Variants in CDK5RAP2 observed in about 807,000 individuals in gnomAD.
CDK5RAP2 encodes CDK5 regulatory subunit associated protein 2.
CDK5RAP2 carries 147 observed loss-of-function variants against 232.9 expected under a neutral mutation model. The ratio of observed to expected loss-of-function variants is 0.63; its 90% CI spans 0.55 to 0.72. CDK5RAP2 has a LOEUF of 0.72. CDK5RAP2 is among the 30% of genes least tolerant of loss of function. CDK5RAP2 has a pLI of 0.00. For synonymous variants in CDK5RAP2, 833 were observed against 833.7 expected, an observed-to-expected ratio of 1.00 and a Z score of 0.01; for missense variants, 2,195 against 2,231.5, an observed-to-expected ratio of 0.98 and a Z score of 0.33.
intron 13 of CDK5RAP2, among the ~76,000 whole-genome samples, chr9:120,490,174 G>C (rs770848233): frequency 4.6e-5 from 7 of 152,220 alleles, no homozygotes; most frequent in African/African-American, 7.2e-5. Context: ...TTAGGGGTTA[G>C]AAGTGCTCAG....
In CDK5RAP2 at chr9:120,408,344, T is replaced by C. The variant is rs753492465; in HGVS notation, c.4726+3A>G. On this transcript the variant is annotated splice_donor_region_variant and intron_variant, in intron 31 of 37. Coordinates refer to ENST00000349780, the MANE Select transcript of CDK5RAP2 (RefSeq NM_018249.6). ...AGCCTCAAGGTGAGAAGGGCCTCAG[T>C]ACCTCTCAGTCTCCTGTGCTCTTCA... The C allele has an allele frequency of 1.2e-6, 2 of 1,613,874 alleles. No homozygotes were observed. Among genetic ancestry groups the C allele is most frequent in the Non-Finnish European group, 1.7e-6 (2 of 1,180,012 alleles).
At chr9:120,484,719 G>C (rs751657334) in intron 14 of CDK5RAP2, among the ~76,000 whole-genome samples, 3 of 151,790 alleles carry the variant, frequency 2.0e-5, no homozygotes, top group African/African-American at 7.3e-5. Context: ...GCAAGACTCT[G>C]TCTCAAAAAA....
At chr9:120,441,428 A>C (rs1379298675) in intron 23 of CDK5RAP2, among the ~76,000 whole-genome samples, 1 of 152,214 alleles carries the variant, frequency 6.6e-6, no homozygotes, top group East Asian at 1.9e-4. Context: ...TGCAAAAAGA[A>C]AAAAAAGGCT....
At chr9:120,446,640 C>G (rs1165282132) in intron 22 of CDK5RAP2, among the ~76,000 whole-genome samples, 1 of 152,180 alleles carries the variant, frequency 6.6e-6, no homozygotes, top group South Asian at 2.1e-4. Flanking sequence ...GAGAGCCTGC[C>G]TGATCTGCTG....
rs188893101 is a variant in CDK5RAP2 at position 120,437,606 on chromosome 9, G to T, written c.3723-79C>A. On this transcript the variant is annotated intron_variant, in intron 24 of 37. Transcript: ENST00000349780. ...TGACCTTAACACTAATTGGAAAAAT[G>T]ACAGAGTACAATTTTTAAAAGCCTG... is the stretch of plus-strand genomic sequence containing the variant. 117 of 1,033,662 alleles carry T rather than the reference G, an allele frequency of 1.1e-4. No homozygotes were observed. The African/African-American group carries it at 1.7e-3, about 15-fold the overall frequency. The allele number at this position is 1,033,662 out of a possible 1,614,324, so 64.0% of individuals were successfully genotyped here.
intron 1 of CDK5RAP2, among the ~76,000 whole-genome samples, chr9:120,578,042 A>G (rs1161200024): frequency 6.6e-6 from 1 of 152,142 alleles, no homozygotes. Flanking sequence ...GGCCAAGGAG[A>G]GCAGATCATG....
At position 120,388,921 on chromosome 9, in the gene CDK5RAP2, G is replaced by A; in HGVS notation, c.*315C>T. The A allele has an allele frequency of 2.2e-6, 1 of 455,624 alleles. No individual in the cohort carries two copies. The highest frequency in any genetic ancestry group is 3.9e-6 in the Non-Finnish European group (1 of 256,436). The allele number at this position is 455,624 out of a possible 1,614,324, so 28.2% of individuals were successfully genotyped here. ...ATGAGAATCTTCAAACTGTGGCACTGGCTGAGTACTAAGCAAATCCAGGGG... is the reference window on the plus strand; with the variant it reads ...ATGAGAATCTTCAAACTGTGGCACTAGCTGAGTACTAAGCAAATCCAGGGG... On this transcript the variant is annotated 3_prime_UTR_variant, in exon 38 of 38. Coordinates refer to ENST00000349780, the MANE Select transcript of CDK5RAP2 (RefSeq NM_018249.6).
intron 18 of CDK5RAP2, among the ~76,000 whole-genome samples, chr9:120,464,351 C>T (rs1028796948): frequency 6.6e-6 from 1 of 152,184 alleles, no homozygotes; most frequent in African/African-American, 2.4e-5. Flanking sequence ...CCACACTCTG[C>T]CCCAATTGCC....
At chr9:120,556,677 C>G (rs1437660351) in intron 3 of CDK5RAP2, among the ~76,000 whole-genome samples, 1 of 152,172 alleles carries the variant, frequency 6.6e-6, no homozygotes, top group African/African-American at 2.4e-5. Flanking sequence ...GATCCACTCG[C>G]CTCAGCCTCC....
chr9:120,567,184 C>T (rs1177111642), intron 3 of CDK5RAP2, among the ~76,000 whole-genome samples: 1 of 152,188 alleles, frequency 6.6e-6, no homozygotes, highest in African/African-American at 2.4e-5. Flanking sequence ...TTTGAGGCCC[C>T]AGACCCCACA....
At chr9:120,503,011 G>A (rs2039644709) in intron 12 of CDK5RAP2, among the ~76,000 whole-genome samples, 1 of 152,186 alleles carries the variant, frequency 6.6e-6, no homozygotes, top group African/African-American at 2.4e-5. Context: ...GGCCCACAGA[G>A]GTTGAGATAT....
chr9:120,417,143 G>A (rs1002763071), intron 27 of CDK5RAP2, among the ~76,000 whole-genome samples: 5 of 151,274 alleles, frequency 3.3e-5, no homozygotes, highest in African/African-American at 1.2e-4. Context: ...TAAACTGCTG[G>A]CGCCCACGGC....
At chr9:120,451,682 C>A (rs1420776797) in intron 21 of CDK5RAP2, among the ~76,000 whole-genome samples, 4 of 152,018 alleles carry the variant, frequency 2.6e-5, no homozygotes, top group Non-Finnish European at 5.9e-5. Context: ...TTTATAATAT[C>A]CCTGTCTGCA....
chr9:120,530,881 T>C (rs1415775737), intron 7 of CDK5RAP2, among the ~76,000 whole-genome samples: 1 of 64,914 alleles, frequency 1.5e-5, no homozygotes, highest in African/African-American at 5.3e-5. Flanking sequence ...GGGGGAGGGA[T>C]AGCATTAGGA....
chr9:120,401,026 A>G (rs1016999152), intron 34 of CDK5RAP2, 141 bp from the exon 35 acceptor site: 1 of 781,236 alleles, frequency 1.3e-6, no homozygotes, highest in Non-Finnish European at 2.1e-6. Flanking sequence ...ACATAACACC[A>G]ATTTATTGTT....
chr9:120,443,518 T>G, intron 23 of CDK5RAP2, 102 bp downstream of exon 23: 5 of 1,301,364 alleles, frequency 3.8e-6, no homozygotes, highest in Non-Finnish European at 5.6e-6. Flanking sequence ...AATAATGCCC[T>G]GAGAGGGCTG....
chr9:120,469,241 G>A (rs375486602), intron 17 of CDK5RAP2, among the ~76,000 whole-genome samples: 8 of 152,208 alleles, frequency 5.3e-5, no homozygotes, highest in Middle Eastern at 3.4e-3. Flanking sequence ...GGCAAACTCC[G>A]AATTCGTCCT....
chr9:120,565,614 G>A (rs902684132), intron 3 of CDK5RAP2, among the ~76,000 whole-genome samples: 2 of 152,106 alleles, frequency 1.3e-5, no homozygotes, highest in East Asian at 3.9e-4. Flanking sequence ...TAAGTTCAGG[G>A]AACTTACAGC....
chr9:120,400,565 G>A (rs2032914035), intron 35 of CDK5RAP2, among the ~76,000 whole-genome samples, 177 bp downstream of exon 35: 1 of 152,338 alleles, frequency 6.6e-6, no homozygotes, highest in Admixed American at 6.5e-5. Context: ...GGCTACAGGA[G>A]TGTGGGACGG....
Sources: gnomAD v4.1 joint callset for allele counts (sites outside exome capture counted in the v4.1 genomes callset) on GRCh38, gnomAD v4.1.1 for gene constraint, MANE v1.5 for transcripts, NCBI Gene and HGNC (gene_info 2026-07-23, HGNC 2026-07-21) for gene names.